Variants in PTPRQ observed in about 807,000 individuals in gnomAD.
PTPRQ encodes the protein phosphatidylinositol phosphatase PTPRQ.
A neutral mutation model predicts 246.0 loss-of-function variants in PTPRQ; 199 were observed. That is an observed-to-expected ratio of 0.81 (90% confidence interval 0.72 to 0.91). The LOEUF (loss-of-function observed/expected upper bound fraction) is 0.91, where lower values mean the gene tolerates loss of function less well. Among genes scored for constraint, PTPRQ ranks in the 40% least tolerant of loss-of-function variants. PTPRQ has a pLI of 0.00. For synonymous variants in PTPRQ, 869 were observed against 853.2 expected (o/e 1.02, Z -0.32); for missense variants, 2,624 against 2,528.4 (o/e 1.04, Z -0.81).
intron 25 of PTPRQ, among the ~76,000 whole-genome samples, chr12:80,569,750 C>CT (rs999755741): frequency 4.8e-4 from 72 of 151,552 alleles, no homozygotes; most frequent in African/African-American, 1.6e-3. Flanking sequence ...CCCCCACCCC[C>CT]GACAGGCCCC....
intron 35 of PTPRQ, among the ~76,000 whole-genome samples, chr12:80,639,769 C>T (rs1000399470): frequency 6.6e-6 from 1 of 151,916 alleles, no homozygotes; most frequent in African/African-American, 2.4e-5. Context: ...TGAATACTAC[C>T]CCGGTCTACT....
rs184871373 is a variant in PTPRQ at position 80,445,582 on chromosome 12, G to A, written c.255G>A (p.Arg85=). Residue 85 remains arginine, a synonymous_variant, in exon 3 of 45, where the codon AGG becomes AGA. Transcript: ENST00000644991. ...ATACACCACCTAATCCAAATGGAAGGATTATATCTTACATTGTCAAATATA... is the reference window on the plus strand; with the variant it reads ...ATACACCACCTAATCCAAATGGAAGAATTATATCTTACATTGTCAAATATA... ...SWNTPPNPNG[R]IISYIVKYKE... is the part of the protein sequence containing the mutation. The A allele has an allele frequency of 1.1e-3, 1,693 of 1,548,674 alleles. 2 individuals carry two copies. Among genetic ancestry groups the A allele is most frequent in the Middle Eastern group, 1.5e-3 (9 of 5,982 alleles).
chr12:80,479,827 C>T (rs1459447424), intron 8 of PTPRQ, among the ~76,000 whole-genome samples: 2 of 152,110 alleles, frequency 1.3e-5, no homozygotes, highest in East Asian at 1.9e-4. Context: ...GAAGAGCTAG[C>T]CTAAATATAT....
chr12:80,483,973 C>T (rs1213753071), intron 8 of PTPRQ, among the ~76,000 whole-genome samples: 2 of 136,482 alleles, frequency 1.5e-5, no homozygotes, highest in African/African-American at 5.7e-5. Context: ...TGTCTATTTT[C>T]TTTCTTTCTT....
intron 8 of PTPRQ, among the ~76,000 whole-genome samples, chr12:80,480,886 C>T (rs1170031714): frequency 2.0e-5 from 3 of 152,270 alleles, no homozygotes; most frequent in South Asian, 4.1e-4. Context: ...TAAGCAATAG[C>T]TTACCAACCA....
intron 25 of PTPRQ, among the ~76,000 whole-genome samples, chr12:80,587,900 A>G (rs1897669327): frequency 6.6e-6 from 1 of 152,152 alleles, no homozygotes; most frequent in Non-Finnish European, 1.5e-5. Context: ...TGGAAGCAAA[A>G]TCAAGAATTA....
intron 6 of PTPRQ, among the ~76,000 whole-genome samples, chr12:80,461,129 C>T (rs1893151478): frequency 6.6e-6 from 1 of 152,098 alleles, no homozygotes; most frequent in Admixed American, 6.6e-5. Flanking sequence ...AATTCTTGAG[C>T]CACTGACCGT....
chr12:80,668,152 T>C (rs1198038643), intron 39 of PTPRQ, among the ~76,000 whole-genome samples: 2 of 152,092 alleles, frequency 1.3e-5, no homozygotes, highest in East Asian at 3.9e-4. Context: ...CTGTTTGAAA[T>C]AGATGTCATT....
intron 18 of PTPRQ, among the ~76,000 whole-genome samples, 163 bp downstream of exon 18, chr12:80,534,338 G>T (rs1193264675): frequency 6.6e-6 from 1 of 151,930 alleles, no homozygotes; most frequent in Non-Finnish European, 1.5e-5. Flanking sequence ...GTGTGATGTT[G>T]GGAAAATTAA....
At chr12:80,584,797 G>A (rs1257237274) in intron 25 of PTPRQ, among the ~76,000 whole-genome samples, 1 of 152,022 alleles carries the variant, frequency 6.6e-6, no homozygotes, top group Non-Finnish European at 1.5e-5. Context: ...TGTATCTTAT[G>A]TTCAGATGAT....
At position 80,668,290 on chromosome 12, in the gene PTPRQ, T is replaced by A. The variant is rs1226827805; in HGVS notation, c.6193-717T>A. ...TAAATAGACCAAATTTCAGAGAAAT[T>A]TGATAAATATACACAAGGATGTCAT... On this transcript the variant is annotated intron_variant, in intron 39 of 44. Transcript: ENST00000644991. Among the ~76,000 whole-genome samples, 3 of 151,866 alleles carry A rather than the reference T, an allele frequency of 2.0e-5. No individual in the cohort carries two copies. The South Asian group carries it at 6.2e-4, about 31-fold the overall frequency.
chr12:80,609,138 C>CT (rs952705602), intron 27 of PTPRQ, among the ~76,000 whole-genome samples: 4 of 149,456 alleles, frequency 2.7e-5, no homozygotes, highest in South Asian at 4.2e-4. Flanking sequence ...TACTATGTTT[C>CT]TTTTTTTTCT....
chr12:80,668,918 A>G, intron 39 of PTPRQ, 89 bp from the exon 40 acceptor site: 1 of 1,364,066 alleles, frequency 7.3e-7, no homozygotes. Flanking sequence ...GTAATTTTAC[A>G]ACCAGCATAT....
chr12:80,479,269 C>A (rs1456705204), intron 8 of PTPRQ, among the ~76,000 whole-genome samples: 6 of 147,992 alleles, frequency 4.1e-5, no homozygotes, highest in African/African-American at 1.5e-4. Flanking sequence ...TCATATCCAG[C>A]CAAACTAAGC....
chr12:80,450,660 G>A (rs1452211582), intron 3 of PTPRQ, among the ~76,000 whole-genome samples: 2 of 152,176 alleles, frequency 1.3e-5, no homozygotes, highest in South Asian at 2.1e-4. Flanking sequence ...CTTTGATTTT[G>A]TTTATGTGCT....
intron 26 of PTPRQ, among the ~76,000 whole-genome samples, chr12:80,594,642 T>C (rs1254338386): frequency 6.6e-6 from 1 of 152,170 alleles, no homozygotes; most frequent in African/African-American, 2.4e-5. Flanking sequence ...CTCAGTTTAC[T>C]GCACCACTAT....
chr12:80,656,156 C>T (rs1017307849), intron 38 of PTPRQ, among the ~76,000 whole-genome samples: 12 of 152,244 alleles, frequency 7.9e-5, no homozygotes, highest in Admixed American at 3.3e-4. Flanking sequence ...GGACATAAAT[C>T]ATTTGCAGAA....
rs1897689923 is a variant in PTPRQ at position 80,588,446 on chromosome 12, C to T, written c.4603C>T (p.Pro1535Ser). Reference protein sequence around the residue: ...ASNWISTKTLPGPPDGPPENV... With the variant: ...ASNWISTKTLSGPPDGPPENV... ...AAACTGGATTTCTACAAAAACTCTG[C>T]CTGGCCGTGAGTATTGTCCTGACAT... The change falls in exon 26 of 45, where the codon CCT becomes TCT. Residue 1535 changes from proline to serine, a missense_variant. Pro to Ser is a moderately conservative substitution (Grantham distance 74, BLOSUM62 -1). Coordinates refer to ENST00000644991, the MANE Select transcript of PTPRQ (RefSeq NM_001145026.2). 1 of 1,478,886 alleles carries T rather than the reference C, an allele frequency of 6.8e-7. No homozygotes were observed. The highest frequency in any genetic ancestry group is 9.0e-7 in the Non-Finnish European group (1 of 1,113,722). The allele number at this position is 1,478,886 out of a possible 1,614,324, so 91.6% of individuals were successfully genotyped here. A position where few individuals can be genotyped will look rare whatever the true frequency, so the allele number is the denominator to read the frequency against.
At chr12:80,483,858 G>A (rs1894172510) in intron 8 of PTPRQ, among the ~76,000 whole-genome samples, 1 of 152,048 alleles carries the variant, frequency 6.6e-6, no homozygotes, top group South Asian at 2.1e-4. Flanking sequence ...CCTTGTGATA[G>A]TTTGCTGAGA....
Sources: allele counts gnomAD v4.1 joint callset (sites outside exome capture counted in the v4.1 genomes callset), GRCh38; gene constraint gnomAD v4.1.1; transcripts MANE v1.5; gene names NCBI Gene and HGNC (gene_info 2026-07-23, HGNC 2026-07-21).